Variants in HSPA12A observed in about 807,000 individuals in gnomAD.
HSPA12A encodes heat shock 70 kDa protein 12A.
In HSPA12A, 28 loss-of-function variants were observed where a neutral mutation model predicts 69.2. That is an observed-to-expected ratio of 0.40 (90% CI 0.30 to 0.55). HSPA12A has a LOEUF of 0.55. Ranked by LOEUF, HSPA12A falls within the 20% of genes least tolerant of loss-of-function variation. HSPA12A has a pLI of 0.38. For synonymous variants in HSPA12A, 345 were observed against 370.5 expected, an observed-to-expected ratio of 0.93 and a Z score of 0.79; for missense variants, 686 against 900.7, an observed-to-expected ratio of 0.76 and a Z score of 3.05.
At chr10:116,703,064 G>C (rs1374501893) in intron 3 of HSPA12A, among the ~76,000 whole-genome samples, 1 of 152,180 alleles carries the variant, frequency 6.6e-6, no homozygotes, top group Non-Finnish European at 1.5e-5. Flanking sequence ...TTTCCACTGG[G>C]ATTTTTCATC....
intron 2 of HSPA12A, among the ~76,000 whole-genome samples, chr10:116,774,299 G>A (rs531136185): frequency 5.3e-5 from 8 of 152,234 alleles, no homozygotes; most frequent in Non-Finnish European, 8.8e-5. Context: ...GTGAGCCACC[G>A]CGCCCGGCCG....
Position 116,786,889 on chromosome 10 carries a change from G to A in HSPA12A, c.91+48046C>T, listed in dbSNP as rs747509940. ...TCCTGACCTCAGGTGATCCACCTGC[G>A]TCAGCCTCTCATAGTGCTGGGATTA... is the stretch of plus-strand genomic sequence containing the variant. On this transcript the variant is annotated intron_variant, in intron 2 of 12. Coordinates refer to the HSPA12A transcript ENST00000635765. Among the ~76,000 whole-genome samples the A allele has an allele frequency of 7.9e-5, 12 of 151,974 alleles. 1 individual carries two copies. The highest frequency in any genetic ancestry group is 1.9e-4 in the East Asian group (1 of 5,148).
At chr10:116,738,604 A>C (rs1337516723) in intron 1 of HSPA12A, among the ~76,000 whole-genome samples, 2 of 152,196 alleles carry the variant, frequency 1.3e-5, no homozygotes, top group Non-Finnish European at 2.9e-5. Flanking sequence ...AATGAGATAC[A>C]GGCATACAAA....
chr10:116,850,061 T>C (rs550560791), upstream of HSPA12A: 35 of 483,870 alleles, frequency 7.2e-5, no homozygotes, highest in South Asian at 6.5e-4. Context: ...CCACCGCCCA[T>C]GCTTGCCAAT....
At chr10:116,747,474 T>G (rs1564806991), upstream of HSPA12A, among the ~76,000 whole-genome samples, 1 of 152,072 alleles carries the variant, frequency 6.6e-6, no homozygotes, top group Non-Finnish European at 1.5e-5. Flanking sequence ...AAGCCACATC[T>G]CAAGGAGGAC....
intron 5 of HSPA12A, among the ~76,000 whole-genome samples, chr10:116,694,930 C>A (rs1236475269): frequency 6.6e-6 from 1 of 152,136 alleles, no homozygotes; most frequent in Non-Finnish European, 1.5e-5. Flanking sequence ...TCCCGAACAC[C>A]ACCCAGTCCC....
Position 116,705,282 on chromosome 10 carries a change from C to T in HSPA12A, c.127-4G>A. 2 of 1,614,096 alleles carry T rather than the reference C, an allele frequency of 1.2e-6. No homozygotes were observed. The highest frequency in any genetic ancestry group is 1.7e-6 in the Non-Finnish European group (2 of 1,180,006). On this transcript the variant is annotated splice_polypyrimidine_tract_variant and splice_region_variant and intron_variant, in intron 2 of 11. Coordinates refer to ENST00000369209, the MANE Select transcript of HSPA12A (RefSeq NM_025015.3). ...AGACGTTGGAGTCAGTGTCGTTCTG[C>T]AGATATACAGTGAGGCATGGGGGGT...
chr10:116,716,286 G>A (rs958038341), intron 1 of HSPA12A, among the ~76,000 whole-genome samples: 1 of 152,194 alleles, frequency 6.6e-6, no homozygotes, highest in Non-Finnish European at 1.5e-5. Flanking sequence ...CAGACTTGCT[G>A]AGATCCCAAT....
At chr10:116,713,011 T>TATATATATATATATATATATATATATATA (rs1554883335) in intron 1 of HSPA12A, among the ~76,000 whole-genome samples, 61 of 131,052 alleles carry the variant, frequency 4.7e-4, no homozygotes, top group East Asian at 1.3e-3. Context: ...TATATATATA[T>TATATATATATATATATATATATATATATA]TTGCATTTCT....
chr10:116,798,671 G>C (rs891690766), intron 2 of HSPA12A, among the ~76,000 whole-genome samples: 1 of 152,108 alleles, frequency 6.6e-6, no homozygotes, highest in African/African-American at 2.4e-5. Context: ...CATTGGCCTA[G>C]ATGGTCAGAG....
At chr10:116,747,761 GGCC>G (rs1589682854) in intron 2 of HSPA12A, among the ~76,000 whole-genome samples, 2 of 152,314 alleles carry the variant, frequency 1.3e-5, no homozygotes, top group East Asian at 3.9e-4. Context: ...CATTTGGGGA[GGCC>G]GAGACGGGTG....
At chr10:116,694,835 C>G (rs2132946914) in intron 5 of HSPA12A, among the ~76,000 whole-genome samples, 1 of 152,274 alleles carries the variant, frequency 6.6e-6, no homozygotes, top group Middle Eastern at 3.4e-3. Context: ...CCCCTTCTGC[C>G]CTTTTGCCGC....
chr10:116,754,957 T>A (rs1441338680), intron 2 of HSPA12A, among the ~76,000 whole-genome samples: 2 of 152,132 alleles, frequency 1.3e-5, no homozygotes, highest in Non-Finnish European at 2.9e-5. Context: ...TATTTATCCA[T>A]GTATTTTTTT....
rs1445702350 is a variant in HSPA12A, at chr10:116,674,997, G to A, written c.1812C>T (p.Ser604=). 5 of 1,614,110 alleles carry A rather than the reference G, an allele frequency of 3.1e-6. No individual in the cohort carries two copies. The highest frequency in any genetic ancestry group is 4.2e-6 in the Non-Finnish European group (5 of 1,180,054). The change falls in exon 12 of 12, where the codon AGC becomes AGT. Residue 604 remains serine (S), a synonymous_variant. Transcript: ENST00000369209. ...TGAAGCTGACGTTGTCGTGCTCAGA[G>A]CTGTAGATGTTGATGACAATGACCA... is the stretch of plus-strand genomic sequence containing the variant. ...SQLVIVINIY[S]SEHDNVSFIT...
chr10:116,736,582 G>GA (rs1392169840), intron 1 of HSPA12A, among the ~76,000 whole-genome samples: 1 of 152,174 alleles, frequency 6.6e-6, no homozygotes, highest in Non-Finnish European at 1.5e-5. Context: ...AGTGTCCTTA[G>GA]AAAGGGAATG....
At chr10:116,759,641 G>C (rs1843928085) in intron 2 of HSPA12A, among the ~76,000 whole-genome samples, 1 of 152,214 alleles carries the variant, frequency 6.6e-6, no homozygotes, top group Non-Finnish European at 1.5e-5. Context: ...CAGTGGCTTT[G>C]ACAGCATTCA....
Position 116,697,580 on chromosome 10 carries a change from C to T in HSPA12A, c.546+1055G>A, listed in dbSNP as rs567672434. On this transcript the variant is annotated intron_variant, in intron 5 of 11. Coordinates refer to ENST00000369209, the MANE Select transcript of HSPA12A (RefSeq NM_025015.3). ...TCAAATGGCCTATGAGGTACAGTTACCCACCCCACTCTCCAGTTAGGAAAG... is the reference window on the plus strand; with the variant it reads ...TCAAATGGCCTATGAGGTACAGTTATCCACCCCACTCTCCAGTTAGGAAAG... Among the ~76,000 whole-genome samples the T allele has an allele frequency of 5.3e-5, 8 of 152,308 alleles. No homozygotes were observed. The South Asian group carries it at 1.7e-3, about 32-fold the overall frequency.
At chr10:116,820,184 C>A (rs954664354) in intron 2 of HSPA12A, among the ~76,000 whole-genome samples, 2 of 151,944 alleles carry the variant, frequency 1.3e-5, no homozygotes, top group Non-Finnish European at 2.9e-5. Flanking sequence ...TAGAATTAGA[C>A]AAATATGACA....
intron 2 of HSPA12A, among the ~76,000 whole-genome samples, chr10:116,757,709 A>G (rs1406323208): frequency 6.6e-6 from 1 of 152,202 alleles, no homozygotes; most frequent in African/African-American, 2.4e-5. Flanking sequence ...CACCTGTAAA[A>G]TGGGAATAAT....
Sources: gnomAD v4.1 joint callset for allele counts (sites outside exome capture counted in the v4.1 genomes callset) on GRCh38, gnomAD v4.1.1 for gene constraint, MANE v1.5 for transcripts, NCBI Gene and HGNC (gene_info 2026-07-23, HGNC 2026-07-21) for gene names.